Variants in PTPN3 observed in about 807,000 individuals in gnomAD.
The protein encoded by PTPN3 is tyrosine-protein phosphatase non-receptor type 3.
In PTPN3, 96 loss-of-function variants were observed where a neutral mutation model predicts 132.7. The observed-to-expected ratio is 0.72, with a 90% CI of 0.61 to 0.86. PTPN3 has a LOEUF of 0.86. Among genes scored for constraint, PTPN3 ranks in the 40% least tolerant of loss-of-function variants. The pLI, the probability that PTPN3 is intolerant of heterozygous loss-of-function variation, is 0.00. For missense variants in PTPN3, 1,125 were observed against 1,159.6 expected (o/e 0.97, Z 0.43); for synonymous variants, 398 against 429.0 (o/e 0.93, Z 0.89).
rs1210677414 is a variant in PTPN3 at position 109,381,849 on chromosome 9, C to A, written c.2529-62G>T. On this transcript the variant is annotated intron_variant, in intron 24 of 25. Coordinates refer to ENST00000374541, the MANE Select transcript of PTPN3 (RefSeq NM_002829.4). ...TGAGTAGCCTTTCTGCATGGCCCAG[C>A]GAGCAGTTCCCCGCTGACTCCAAAG... 4.4e-6 allele frequency: 7 copies of A among 1,594,966 alleles called. No individual in the cohort carries two copies. In the Admixed American group the frequency reaches 6.7e-5, roughly 15 times the overall value.
intron 1 of PTPN3, among the ~76,000 whole-genome samples, chr9:109,465,543 C>T (rs1442991127): frequency 6.6e-6 from 1 of 151,900 alleles, no homozygotes; most frequent in Non-Finnish European, 1.5e-5. Context: ...AATTTCATCT[C>T]TACTAAACAT....
At chr9:109,532,756 C>G in the PTPN3 span, 1 of 417,880 alleles carries the variant, frequency 2.4e-6, no homozygotes, top group African/African-American at 2.1e-5. Flanking sequence ...TTGTTCATTT[C>G]TTATTGCTGG....
chr9:109,505,174 A>G, the PTPN3 span, among the ~76,000 whole-genome samples: 1 of 152,218 alleles, frequency 6.6e-6, no homozygotes, highest in African/African-American at 2.4e-5. Flanking sequence ...CCAGGTCACC[A>G]TGGGGGAAGA....
chr9:109,474,465 T>G (rs1350063635), intron 1 of PTPN3, among the ~76,000 whole-genome samples: 1 of 151,950 alleles, frequency 6.6e-6, no homozygotes, highest in Non-Finnish European at 1.5e-5. Context: ...AGCCCCAGGG[T>G]GCTGGAGGAA....
intron 19 of PTPN3, among the ~76,000 whole-genome samples, chr9:109,400,172 C>T (rs898762382): frequency 2.6e-5 from 4 of 152,118 alleles, no homozygotes; most frequent in Non-Finnish European, 5.9e-5. Context: ...AAGTGATCCC[C>T]CTGTTTTGGC....
chr9:109,491,946 G>C (rs947343437), intron 1 of PTPN3, among the ~76,000 whole-genome samples: 1 of 152,224 alleles, frequency 6.6e-6, no homozygotes, highest in Non-Finnish European at 1.5e-5. Flanking sequence ...CTGTGGAGTA[G>C]AGAATCCACT....
chr9:109,462,626 C>T (rs75820083), intron 2 of PTPN3, among the ~76,000 whole-genome samples: 6,702 of 151,982 alleles, frequency 0.044, 245 homozygotes, highest in South Asian at 0.14. Context: ...TGGGTGGGCA[C>T]CATAGGCAGC....
upstream of PTPN3, among the ~76,000 whole-genome samples, chr9:109,498,782 C>T (rs1847802119): frequency 1.3e-5 from 2 of 152,188 alleles, no homozygotes. The surrounding 1 kb of genome is among the most constrained non-coding windows in gnomAD (Gnocchi z 4.2). Context: ...TCCGTCTCAT[C>T]TCACACCTGC....
At chr9:109,435,657 T>C (rs1207158555) in intron 9 of PTPN3, among the ~76,000 whole-genome samples, 2 of 152,228 alleles carry the variant, frequency 1.3e-5, no homozygotes, top group African/African-American at 2.4e-5. Flanking sequence ...GCAGATATCA[T>C]CTGGCCTCAC....
intron 13 of PTPN3, among the ~76,000 whole-genome samples, chr9:109,421,557 C>T (rs1026424604): frequency 1.3e-5 from 2 of 152,228 alleles, no homozygotes; most frequent in Non-Finnish European, 2.9e-5. Context: ...CATCCAACCC[C>T]GCTGTTCCCC....
intron 22 of PTPN3, 140 bp downstream of exon 22, chr9:109,389,093 G>T (rs1839837169): frequency 1.8e-6 from 2 of 1,095,856 alleles, no homozygotes; most frequent in Non-Finnish European, 1.2e-6. Context: ...GGTGTCTATT[G>T]GTTGCTCTGT....
chr9:109,380,798 C>G (rs1180560431), intron 25 of PTPN3, among the ~76,000 whole-genome samples: 1 of 152,150 alleles, frequency 6.6e-6, no homozygotes, highest in African/African-American at 2.4e-5. Context: ...ACATATAGTT[C>G]CTGCTCCTTT....
chr9:109,514,210 C>A, the PTPN3 span, among the ~76,000 whole-genome samples: 2 of 152,284 alleles, frequency 1.3e-5, no homozygotes, highest in African/African-American at 4.8e-5. Flanking sequence ...AATAGCCTCC[C>A]AATTGATCTG....
rs1443018784 is a variant in PTPN3 at position 109,376,115 on chromosome 9, GATTA to G, written c.*3437_*3440del. The G allele has an allele frequency of 1.3e-5, 2 of 152,212 alleles. No homozygotes were observed. Among genetic ancestry groups the G allele is most frequent in the African/African-American group, 4.8e-5 (2 of 41,456 alleles). The allele number at this position is 152,212 out of a possible 1,614,324, so 9.4% of individuals were successfully genotyped here. ...TAGCAGCCATAAAGCTTTGGTTTAG[GATTA>G]ATTTTGATTCTCTGGAATATCAGCC... On this transcript the variant is annotated 3_prime_UTR_variant, in exon 26 of 26. Transcript: ENST00000374541.
At chr9:109,506,698 G>GATTAAGCAATC in the PTPN3 span, among the ~76,000 whole-genome samples, 1 of 151,518 alleles carries the variant, frequency 6.6e-6, no homozygotes, top group Admixed American at 6.6e-5. Context: ...AACCTCCCAG[G>GATTAAGCAATC]CTTAAGCAAT....
At chr9:109,527,828 C>G in the PTPN3 span, among the ~76,000 whole-genome samples, 1 of 152,048 alleles carries the variant, frequency 6.6e-6, no homozygotes, top group African/African-American at 2.4e-5. Context: ...AAAAGCCAAG[C>G]CACAGACTGA....
At chr9:109,518,922 G>A in the PTPN3 span, among the ~76,000 whole-genome samples, 1 of 152,102 alleles carries the variant, frequency 6.6e-6, no homozygotes, top group Non-Finnish European at 1.5e-5. Flanking sequence ...ATACTTTAAA[G>A]GAGTCTGGCA....
intron 1 of PTPN3, among the ~76,000 whole-genome samples, chr9:109,495,669 C>T (rs1163165692): frequency 6.6e-6 from 1 of 152,226 alleles, no homozygotes; most frequent in East Asian, 1.9e-4. Context: ...AAGCCAATTA[C>T]CACCTCGGAA....
At chr9:109,438,741 T>A (rs777754867) in intron 7 of PTPN3, among the ~76,000 whole-genome samples, 2 of 152,074 alleles carry the variant, frequency 1.3e-5, no homozygotes, top group African/African-American at 4.8e-5. Flanking sequence ...ACTCTCCACA[T>A]CCTGACCCAT....
Sources: gnomAD v4.1 joint callset for allele counts (sites outside exome capture counted in the v4.1 genomes callset) on GRCh38, gnomAD v4.1.1 for gene constraint, Gnocchi (gnomAD v3.1) non-coding constraint, MANE v1.5 for transcripts, NCBI Gene and HGNC (gene_info 2026-07-23, HGNC 2026-07-21) for gene names.